The following AKAP19 variants were observed in gnomAD, a reference collection of about 807,000 sequenced individuals.
AKAP19 encodes the protein small A-kinase anchoring protein.
chr2:190,051,346 G>T, the AKAP19 span, among the ~76,000 whole-genome samples: 21,008 of 152,142 alleles, frequency 0.14, 1,595 homozygotes, highest in Middle Eastern at 0.27. Context: ...AATGTACTAG[G>T]TAAGGCTGTG....
the AKAP19 span, among the ~76,000 whole-genome samples, chr2:190,093,326 G>C: frequency 1.4e-3 from 213 of 152,140 alleles, no homozygotes; most frequent in African/African-American, 5.0e-3. Context: ...CCAGCTACTT[G>C]GGAGGCTGAG....
At chr2:190,080,185 A>C in the AKAP19 span, among the ~76,000 whole-genome samples, 59 of 152,286 alleles carry the variant, frequency 3.9e-4, no homozygotes, top group Non-Finnish European at 6.5e-4. Context: ...AGAAGGATGT[A>C]GTTTTTTAAA....
At chr2:190,153,347 C>G in the AKAP19 span, among the ~76,000 whole-genome samples, 3 of 152,150 alleles carry the variant, frequency 2.0e-5, no homozygotes, top group East Asian at 5.8e-4. Context: ...ATCATACCAT[C>G]TGAAAATATA....
At chr2:190,175,832 CA>C in the AKAP19 span, among the ~76,000 whole-genome samples, 1 of 152,146 alleles carries the variant, frequency 6.6e-6, no homozygotes, top group Non-Finnish European at 1.5e-5. Flanking sequence ...ATGTTCCCTC[CA>C]AAATTCAGAT....
the AKAP19 span, among the ~76,000 whole-genome samples, chr2:190,091,131 C>G: frequency 6.6e-6 from 1 of 152,206 alleles, no homozygotes; most frequent in Non-Finnish European, 1.5e-5. Flanking sequence ...CCAGTTGACA[C>G]TTTGCTTCAT....
chr2:190,001,243 A>G, the AKAP19 span, among the ~76,000 whole-genome samples: 2 of 152,100 alleles, frequency 1.3e-5, no homozygotes, highest in Non-Finnish European at 2.9e-5. Flanking sequence ...TTTTTTCTAC[A>G]TGGTTTCCCT....
chr2:190,045,851 T>A, the AKAP19 span, among the ~76,000 whole-genome samples: 2 of 152,136 alleles, frequency 1.3e-5, no homozygotes, highest in Non-Finnish European at 1.5e-5. Flanking sequence ...CCTGAGTATC[T>A]AAGGCTCCAG....
At chr2:190,170,915 G>A in the AKAP19 span, among the ~76,000 whole-genome samples, 1 of 152,150 alleles carries the variant, frequency 6.6e-6, no homozygotes, top group African/African-American at 2.4e-5. Flanking sequence ...GATAGTCTTA[G>A]ATCAGATAAA....
chr2:190,133,530 A>G, the AKAP19 span, among the ~76,000 whole-genome samples: 2 of 152,264 alleles, frequency 1.3e-5, no homozygotes, highest in South Asian at 4.1e-4. Context: ...GATCTACCAT[A>G]TGATCCAGCA....
the AKAP19 span, among the ~76,000 whole-genome samples, chr2:189,949,631 CTTTTTTTTTTT>C: frequency 8.5e-6 from 1 of 117,776 alleles, no homozygotes; most frequent in East Asian, 2.4e-4. Context: ...CTTTTTCTTT[CTTTTTTTTTTT>C]TTTTTTTTTT....
the AKAP19 span, among the ~76,000 whole-genome samples, chr2:189,999,697 G>T: frequency 6.6e-6 from 1 of 151,964 alleles, no homozygotes; most frequent in East Asian, 1.9e-4. Flanking sequence ...GCACACTAAG[G>T]CATACGTATG....
chr2:189,961,940 G>A, the AKAP19 span, among the ~76,000 whole-genome samples: 5,125 of 151,438 alleles, frequency 0.034, 275 homozygotes, highest in African/African-American at 0.11. Context: ...CAGACTCACC[G>A]AGGGTATATT....
the AKAP19 span, chr2:190,180,788 G>A: frequency 1.9e-4 from 187 of 985,314 alleles, no homozygotes; most frequent in Non-Finnish European, 2.1e-4. This position sits in a 1 kb window ranked among gnomAD's most constrained non-coding sequence, Gnocchi z 6.8. Context: ...CGCGAGGAGC[G>A]CGCGGCGGGC....
At chr2:190,019,682 C>T in the AKAP19 span, among the ~76,000 whole-genome samples, 16 of 151,976 alleles carry the variant, frequency 1.1e-4, no homozygotes, top group Admixed American at 6.6e-4. Context: ...CAGTGGGCTT[C>T]CTGGGAAGCA....
At chr2:189,883,488 T>C in the AKAP19 span, among the ~76,000 whole-genome samples, 1 of 150,448 alleles carries the variant, frequency 6.6e-6, no homozygotes, top group African/African-American at 2.5e-5. Flanking sequence ...TCTAACATTC[T>C]GTTATTTTGT....
the AKAP19 span, among the ~76,000 whole-genome samples, chr2:189,986,352 G>A: frequency 7.8e-6 from 1 of 128,042 alleles, no homozygotes; most frequent in Non-Finnish European, 1.6e-5. Context: ...AATGCAGCCT[G>A]TAAGGGATGG....
the AKAP19 span, among the ~76,000 whole-genome samples, chr2:189,963,068 A>G: frequency 3.3e-5 from 5 of 152,156 alleles, no homozygotes; most frequent in African/African-American, 4.8e-5. Flanking sequence ...CAATGTTCAT[A>G]GCATCTTCAC....
At chr2:189,999,676 CT>C in the AKAP19 span, among the ~76,000 whole-genome samples, 36,052 of 150,950 alleles carry the variant, frequency 0.24, 5,128 homozygotes, top group African/African-American at 0.41. Context: ...TAGTTAATTT[CT>C]TTTTTTTTGG....
chr2:190,018,792 T>C, the AKAP19 span, among the ~76,000 whole-genome samples: 1 of 152,200 alleles, frequency 6.6e-6, no homozygotes, highest in Admixed American at 6.5e-5. Flanking sequence ...TAAGCAGAAA[T>C]AGACCTTCAC....
Sources: gnomAD v4.1 joint callset for allele counts (sites outside exome capture counted in the v4.1 genomes callset) on GRCh38, gnomAD v4.1.1 for gene constraint, Gnocchi (gnomAD v3.1) non-coding constraint, MANE v1.5 for transcripts, NCBI Gene and HGNC (gene_info 2026-07-23, HGNC 2026-07-21) for gene names.